NRXN3: variants seen among roughly 807,000 people sequenced by gnomAD.
NRXN3 encodes neurexin III.
Under a neutral mutation model 137.6 loss-of-function variants are expected in NRXN3, and 32 were observed. The observed-to-expected ratio is 0.23, with a 90% CI of 0.18 to 0.31. The LOEUF is 0.31. Ranked by LOEUF, NRXN3 falls within the 10% of genes least tolerant of loss-of-function variation. The pLI is 1.00. For synonymous variants in NRXN3, 798 were observed against 784.5 expected (o/e 1.02, Z -0.29); for missense variants, 1,574 against 2,062.5 (o/e 0.76, Z 4.59).
chr14:79,380,545 G>T (rs1038069627), intron 15 of NRXN3, among the ~76,000 whole-genome samples: 1 of 151,982 alleles, frequency 6.6e-6, no homozygotes, highest in Non-Finnish European at 1.5e-5. Flanking sequence ...TTTTATGGCC[G>T]CATAGTATTC....
At chr14:78,999,983 G>A (rs2099538137) in intron 15 of NRXN3, among the ~76,000 whole-genome samples, 1 of 152,110 alleles carries the variant, frequency 6.6e-6, no homozygotes, top group African/African-American at 2.4e-5. Flanking sequence ...TGAAGAAGTT[G>A]GATGCATTAT....
chr14:78,776,927 A>C (rs986129668), intron 8 of NRXN3, among the ~76,000 whole-genome samples: 6 of 152,176 alleles, frequency 3.9e-5, no homozygotes, highest in African/African-American at 1.4e-4. Flanking sequence ...ATAAGAATGC[A>C]TTTTTAGCAT....
chr14:79,522,483 G>A (rs1352123537), intron 16 of NRXN3, among the ~76,000 whole-genome samples: 2 of 152,070 alleles, frequency 1.3e-5, no homozygotes, highest in African/African-American at 4.8e-5. Context: ...TTTTATGCTA[G>A]GGCCATATTT....
At chr14:78,210,572 G>T (rs1310602915) in intron 1 of NRXN3, among the ~76,000 whole-genome samples, 1 of 151,948 alleles carries the variant, frequency 6.6e-6, no homozygotes, top group African/African-American at 2.4e-5. Flanking sequence ...TACAATTTGA[G>T]TACTGGCAAA....
intron 4 of NRXN3, among the ~76,000 whole-genome samples, chr14:78,516,326 T>A (rs771852483): frequency 1.9e-5 from 2 of 106,964 alleles, no homozygotes; most frequent in Non-Finnish European, 2.2e-5. Context: ...TTCTCTCTAA[T>A]AGTTGTTATC....
intron 10 of NRXN3, among the ~76,000 whole-genome samples, chr14:78,898,554 C>CGTGTGTGTGT (rs66861661): frequency 2.1e-4 from 29 of 136,344 alleles, no homozygotes; most frequent in East Asian, 6.7e-4. Flanking sequence ...AGCTGGGTTT[C>CGTGTGTGTGT]GTGTGTGTGT....
intron 4 of NRXN3, among the ~76,000 whole-genome samples, chr14:78,323,559 C>A (rs2079664317): frequency 6.6e-6 from 1 of 152,000 alleles, no homozygotes; most frequent in Non-Finnish European, 1.5e-5. Flanking sequence ...TAAACAGCAT[C>A]ATCATTTATC....
At chr14:79,168,483 G>A (rs1301294813) in intron 15 of NRXN3, among the ~76,000 whole-genome samples, 1 of 151,932 alleles carries the variant, frequency 6.6e-6, no homozygotes, top group African/African-American at 2.4e-5. Flanking sequence ...TTAATAACAT[G>A]TTAAAATTAT....
intron 17 of NRXN3, among the ~76,000 whole-genome samples, chr14:79,667,506 A>C (rs1297482698): frequency 6.6e-6 from 1 of 152,030 alleles, no homozygotes; most frequent in Non-Finnish European, 1.5e-5. Flanking sequence ...CCACCGTGAA[A>C]TATTTAGAAC....
intron 6 of NRXN3, among the ~76,000 whole-genome samples, chr14:78,697,068 G>A (rs1020023461): frequency 3.9e-5 from 6 of 152,052 alleles, no homozygotes; most frequent in African/African-American, 9.7e-5. Flanking sequence ...ACAACCATTC[G>A]TGATAGATCA....
At position 78,355,096 on chromosome 14, in the gene NRXN3, C is replaced by T. The variant is rs553749142; in HGVS notation, c.757+57236C>T. Among the ~76,000 whole-genome samples the T allele has an allele frequency of 5.9e-5, 9 of 152,334 alleles. No individual in the cohort carries two copies. The East Asian group carries it at 1.7e-3, about 29-fold the overall frequency. ...CCATTAAGCCAACATTATCTCTTTG[C>T]CTGGATCATGACCATAGACTCCTAA... On this transcript the variant is annotated intron_variant, in intron 4 of 20. Transcript: ENST00000335750.
intron 4 of NRXN3, among the ~76,000 whole-genome samples, chr14:78,591,992 C>T (rs1465343844): frequency 9.9e-5 from 15 of 152,152 alleles, no homozygotes; most frequent in Non-Finnish European, 5.9e-5. Context: ...CTTCTGAACT[C>T]ATTTCTCTGA....
intron 15 of NRXN3, among the ~76,000 whole-genome samples, chr14:79,297,450 A>G (rs547933385): frequency 1.3e-5 from 2 of 152,264 alleles, no homozygotes; most frequent in South Asian, 2.1e-4. Flanking sequence ...TGGGCATCCT[A>G]TATTTTATCT....
intron 16 of NRXN3, among the ~76,000 whole-genome samples, chr14:79,656,009 C>T (rs145264704): frequency 6.6e-6 from 1 of 152,130 alleles, no homozygotes; most frequent in Non-Finnish European, 1.5e-5. Flanking sequence ...CTAATGAGTC[C>T]GCTGGTGATA....
At chr14:79,807,484 G>T (rs2099212574) in intron 20 of NRXN3, among the ~76,000 whole-genome samples, 1 of 152,118 alleles carries the variant, frequency 6.6e-6, no homozygotes, top group Non-Finnish European at 1.5e-5. Context: ...GGTATATATT[G>T]CTATTTGTTA....
At chr14:79,337,601 C>T (rs907953161) in intron 15 of NRXN3, among the ~76,000 whole-genome samples, 1 of 152,120 alleles carries the variant, frequency 6.6e-6, no homozygotes, top group African/African-American at 2.4e-5. Flanking sequence ...ATGTTTGTGC[C>T]TGGACATATA....
At chr14:79,362,230 A>G (rs2093710578) in intron 15 of NRXN3, among the ~76,000 whole-genome samples, 1 of 151,790 alleles carries the variant, frequency 6.6e-6, no homozygotes, top group Admixed American at 6.6e-5. Context: ...TACCTGTGCC[A>G]TGTTGGTGTG....
intron 15 of NRXN3, among the ~76,000 whole-genome samples, chr14:79,331,189 CTA>C (rs1327476900): frequency 6.6e-6 from 1 of 152,114 alleles, no homozygotes; most frequent in Non-Finnish European, 1.5e-5. Context: ...AATATTTTGT[CTA>C]TGTGGAGAAA....
rs2073151524 is a variant in NRXN3 at position 79,235,153 on chromosome 14, A to T, written c.3263-232068A>T. On this transcript the variant is annotated intron_variant, in intron 15 of 20. Transcript: ENST00000335750. ...TATTTGATTTATGAGAGATCAATTCATATCCAACTTTTCAGAGCATGTCTC... is the reference window on the plus strand; with the variant it reads ...TATTTGATTTATGAGAGATCAATTCTTATCCAACTTTTCAGAGCATGTCTC... Among the ~76,000 whole-genome samples, 5 of 152,128 alleles carry T rather than the reference A, an allele frequency of 3.3e-5. No individual in the cohort carries two copies. In the South Asian group the frequency reaches 1.0e-3, roughly 31 times the overall value.
Sources: gnomAD v4.1 joint callset for allele counts (sites outside exome capture counted in the v4.1 genomes callset) on GRCh38, gnomAD v4.1.1 for gene constraint, MANE v1.5 for transcripts, NCBI Gene and HGNC (gene_info 2026-07-23, HGNC 2026-07-21) for gene names.